HUNK: variants seen among roughly 807,000 people sequenced by gnomAD.
The protein encoded by HUNK is hormonally up-regulated neu tumor-associated kinase.
Under a neutral mutation model 61.0 loss-of-function variants are expected in HUNK, and 21 were observed. That is an observed-to-expected ratio of 0.34 (90% CI 0.24 to 0.50). The LOEUF (loss-of-function observed/expected upper bound fraction) is 0.50, where lower values mean the gene tolerates loss of function less well. HUNK is among the 20% of genes least tolerant of loss of function. The pLI is 0.98. For missense variants in HUNK, 772 were observed against 945.7 expected, an observed-to-expected ratio of 0.82 and a Z score of 2.41; for synonymous variants, 371 against 386.1, an observed-to-expected ratio of 0.96 and a Z score of 0.46.
At chr21:31,919,668 C>T (rs566366633) in intron 1 of HUNK, among the ~76,000 whole-genome samples, 1 of 152,278 alleles carries the variant, frequency 6.6e-6, no homozygotes, top group Non-Finnish European at 1.5e-5. Flanking sequence ...TGGTTCAGCC[C>T]TGGGAGTGGA....
At chr21:31,998,294 G>T (rs189810626) in intron 10 of HUNK, among the ~76,000 whole-genome samples, 1 of 152,168 alleles carries the variant, frequency 6.6e-6, no homozygotes, top group Non-Finnish European at 1.5e-5. Flanking sequence ...TCCAGGAGAC[G>T]TCCTGTCGCC....
intron 2 of HUNK, among the ~76,000 whole-genome samples, chr21:31,930,751 CTA>C (rs1421671689): frequency 6.6e-6 from 1 of 152,172 alleles, no homozygotes; most frequent in African/African-American, 2.4e-5. Flanking sequence ...GTAGCCAGTC[CTA>C]TGTTCTGGAA....
chr21:31,916,060 T>TTTG (rs1227993748), intron 1 of HUNK, among the ~76,000 whole-genome samples: 5 of 139,088 alleles, frequency 3.6e-5, no homozygotes, highest in Non-Finnish European at 6.2e-5. Flanking sequence ...TTTTTTTTTT[T>TTTG]TTTTTTTTGA....
chr21:32,001,228 AT>A lies in HUNK; in HGVS notation c.*2045del, dbSNP rs749208078. 1 of 152,552 alleles carries A rather than the reference AT, an allele frequency of 6.6e-6. No individual in the cohort carries two copies. Among genetic ancestry groups the A allele is most frequent in the Admixed American group, 6.5e-5 (1 of 15,282 alleles). 9.4% of individuals were successfully genotyped at this position (152,552 alleles called of 1,614,324 possible). A position where few individuals can be genotyped will look rare whatever the true frequency, so the allele number is the denominator to read the frequency against. On this transcript the variant is annotated 3_prime_UTR_variant, in exon 11 of 11. Coordinates refer to ENST00000270112, the MANE Select transcript of HUNK (RefSeq NM_014586.2). ...GAGGTCGAGGCTGCAGTGAGCCAAG[AT>A]CATGCTACTGCACTCCAGCTTAGGT...
intron 2 of HUNK, among the ~76,000 whole-genome samples, chr21:31,939,839 A>T (rs2052758069): frequency 6.7e-6 from 1 of 150,370 alleles, no homozygotes; most frequent in African/African-American, 2.5e-5. Flanking sequence ...ATCTTGAGTG[A>T]TGTGTTCCTC....
At chr21:31,945,722 T>C (rs2052797832) in intron 3 of HUNK, among the ~76,000 whole-genome samples, 1 of 152,148 alleles carries the variant, frequency 6.6e-6, no homozygotes, top group African/African-American at 2.4e-5. Flanking sequence ...TCTCTCTTTT[T>C]TTCCTGGATG....
At chr21:31,914,929 A>T (rs1007573399) in intron 1 of HUNK, among the ~76,000 whole-genome samples, 1 of 152,142 alleles carries the variant, frequency 6.6e-6, no homozygotes, top group African/African-American at 2.4e-5. Context: ...GCAATCTTGA[A>T]CCATGACAAA....
chr21:31,941,681 C>A (rs186900426), intron 3 of HUNK, among the ~76,000 whole-genome samples: 1 of 152,144 alleles, frequency 6.6e-6, no homozygotes, highest in Non-Finnish European at 1.5e-5. Context: ...AGCTGGAAAA[C>A]AAGGCACTCG....
chr21:31,936,839 G>C (rs953399733), intron 2 of HUNK, among the ~76,000 whole-genome samples: 1 of 152,034 alleles, frequency 6.6e-6, no homozygotes, highest in Non-Finnish European at 1.5e-5. Flanking sequence ...ACCCAACTTA[G>C]TTTTATTGTT....
rs113420825 is a variant in HUNK at position 31,939,441 on chromosome 21, T to G, written c.555-724T>G. Reference sequence around the variant, plus strand: ...TTTTTTTTTTGAGATGGAGTTTCGATCTCATTGCCCAGGCTGGAGTGCAAT... The same window carrying G: ...TTTTTTTTTTGAGATGGAGTTTCGAGCTCATTGCCCAGGCTGGAGTGCAAT... On this transcript the variant is annotated intron_variant, in intron 2 of 10. Transcript: ENST00000270112. Among the ~76,000 whole-genome samples, 139 of 132,406 alleles carry G rather than the reference T, an allele frequency of 1.0e-3. 2 individuals are homozygous for G. The highest frequency in any genetic ancestry group is 3.7e-3 in the African/African-American group (124 of 33,104). 86.9% of individuals were successfully genotyped at this position (132,406 alleles called of 152,430 possible).
At chr21:31,958,786 G>T (rs2052907092) in intron 4 of HUNK, 57 bp from the exon 5 acceptor site, 1 of 1,506,098 alleles carries the variant, frequency 6.6e-7, no homozygotes, top group East Asian at 2.3e-5. Context: ...CGTGTCCCCA[G>T]TCTTCCCCTC....
intron 2 of HUNK, among the ~76,000 whole-genome samples, chr21:31,931,068 CAAAAAAAAA>C (rs10673838): frequency 1.2e-4 from 9 of 75,162 alleles, no homozygotes; most frequent in Admixed American, 9.3e-4. Flanking sequence ...AAGACCTAAC[CAAAAAAAAA>C]AAAAAAAAAA....
intron 2 of HUNK, 110 bp from the exon 3 acceptor site, chr21:31,940,055 G>A: frequency 1.4e-6 from 1 of 726,176 alleles, no homozygotes; most frequent in Non-Finnish European, 2.3e-6. Context: ...AAAGCTTTAT[G>A]GGTTGGTTAG....
chr21:31,910,166 A>G (rs1314241931), intron 1 of HUNK, among the ~76,000 whole-genome samples: 2 of 152,178 alleles, frequency 1.3e-5, no homozygotes, highest in African/African-American at 2.4e-5. Context: ...AGTAAATAAC[A>G]CAGACCTGGG....
At chr21:31,881,821 G>A (rs1461817999) in intron 1 of HUNK, among the ~76,000 whole-genome samples, 4 of 152,142 alleles carry the variant, frequency 2.6e-5, no homozygotes, top group African/African-American at 9.7e-5. Flanking sequence ...GGGAGCAGCC[G>A]GCGTGGCATC....
chr21:31,880,222 G>A (rs1020844877), intron 1 of HUNK, among the ~76,000 whole-genome samples: 8 of 152,314 alleles, frequency 5.3e-5, no homozygotes, highest in African/African-American at 1.9e-4. Context: ...GTAACAGCCA[G>A]CTTGCTGGTG....
intron 4 of HUNK, among the ~76,000 whole-genome samples, chr21:31,950,095 T>G (rs2052839146): frequency 6.6e-6 from 1 of 152,160 alleles, no homozygotes; most frequent in African/African-American, 2.4e-5. Context: ...ATCTGTGATG[T>G]TGTACTTCCT....
intron 4 of HUNK, among the ~76,000 whole-genome samples, chr21:31,952,395 G>C (rs907732855): frequency 3.9e-5 from 6 of 152,186 alleles, no homozygotes; most frequent in Non-Finnish European, 8.8e-5. Flanking sequence ...GCTGCACTCT[G>C]TGTAAACTGG....
chr21:31,926,156 G>C (rs1208970069), intron 2 of HUNK, among the ~76,000 whole-genome samples: 2 of 152,082 alleles, frequency 1.3e-5, no homozygotes, highest in Non-Finnish European at 2.9e-5. Context: ...GACCTCAGGT[G>C]ATCCGCCCTC....
Sources: gnomAD v4.1 joint callset for allele counts (sites outside exome capture counted in the v4.1 genomes callset) on GRCh38, gnomAD v4.1.1 for gene constraint, MANE v1.5 for transcripts, NCBI Gene and HGNC (gene_info 2026-07-23, HGNC 2026-07-21) for gene names.